Variants in CFAP20DC observed in about 807,000 individuals in gnomAD.
The protein encoded by CFAP20DC is CFAP20 domain containing.
A neutral mutation model predicts 101.7 loss-of-function variants in CFAP20DC; 84 were observed. The observed-to-expected ratio is 0.83, with a 90% CI of 0.69 to 0.99. The LOEUF (loss-of-function observed/expected upper bound fraction) is 0.99, where lower values mean the gene tolerates loss of function less well. CFAP20DC is among the 50% of genes least tolerant of loss of function. The probability of loss-of-function intolerance (pLI) is 0.00; values close to 1 mark genes in which losing one functional copy is unlikely to be tolerated. For synonymous variants in CFAP20DC, 359 were observed against 351.2 expected (o/e 1.02, Z -0.25); for missense variants, 1,007 against 970.3 (o/e 1.04, Z -0.50).
Position 58,884,838 on chromosome 3 carries a change from C to T in CFAP20DC, c.551-129G>A, listed in dbSNP as rs990849881. The T allele has an allele frequency of 9.5e-6, 7 of 737,494 alleles. No individual in the cohort carries two copies. The African/African-American group carries it at 1.2e-4, about 13-fold the overall frequency. The allele number at this position is 737,494 out of a possible 1,614,324, so 45.7% of individuals were successfully genotyped here. ...ACTTTGTACGAGTTATTCAACCTTT[C>T]AGCCCTGATTTTCTCATCTGTGAAA... On this transcript the variant is annotated intron_variant, in intron 6 of 16. Transcript: ENST00000482387.
intron 3 of CFAP20DC, among the ~76,000 whole-genome samples, chr3:59,045,141 C>G (rs1258924698): frequency 2.6e-5 from 4 of 151,810 alleles, no homozygotes; most frequent in African/African-American, 9.7e-5. Flanking sequence ...CACTGGCAAA[C>G]CACTTTAAAA....
intron 4 of CFAP20DC, among the ~76,000 whole-genome samples, chr3:58,959,188 C>T (rs533350411): frequency 1.4e-3 from 206 of 152,260 alleles, no homozygotes; most frequent in Non-Finnish European, 2.4e-3. Context: ...TCCGCCTCCC[C>T]AGTTTAAGCA....
chr3:58,978,927 C>G (rs2092400814), intron 4 of CFAP20DC, among the ~76,000 whole-genome samples: 1 of 152,138 alleles, frequency 6.6e-6, no homozygotes, highest in Non-Finnish European at 1.5e-5. Context: ...AATATCCACT[C>G]TAATCCCAGG....
intron 3 of CFAP20DC, among the ~76,000 whole-genome samples, chr3:59,043,039 A>C (rs1227209146): frequency 6.6e-6 from 1 of 152,182 alleles, no homozygotes; most frequent in Non-Finnish European, 1.5e-5. Flanking sequence ...CTTTGGACAT[A>C]TTGTATTTCA....
At chr3:58,931,565 C>T (rs2086693362) in intron 5 of CFAP20DC, among the ~76,000 whole-genome samples, 1 of 152,308 alleles carries the variant, frequency 6.6e-6, no homozygotes, top group African/African-American at 2.4e-5. Context: ...GGGTACTCCT[C>T]TGAGACAAAA....
chr3:58,723,811 A>G (rs753526893), intron 3 of CFAP20DC, among the ~76,000 whole-genome samples: 1 of 152,234 alleles, frequency 6.6e-6, no homozygotes, highest in African/African-American at 2.4e-5. Flanking sequence ...TGGCATATTC[A>G]ATGACCACTG....
intron 16 of CFAP20DC, among the ~76,000 whole-genome samples, chr3:58,745,945 A>G (rs1262347868): frequency 6.6e-6 from 1 of 152,152 alleles, no homozygotes; most frequent in African/African-American, 2.4e-5. Flanking sequence ...GGACTAAATA[A>G]CACTCAGCAC....
At chr3:58,742,708 A>G in intron 16 of CFAP20DC, 136 bp from the exon 17 acceptor site, 1 of 491,798 alleles carries the variant, frequency 2.0e-6, no homozygotes, top group Non-Finnish European at 3.5e-6. Flanking sequence ...GCCTGAAGGA[A>G]GAGCACTGTG....
chr3:58,932,869 T>C (rs929421438), intron 5 of CFAP20DC, among the ~76,000 whole-genome samples: 2 of 152,152 alleles, frequency 1.3e-5, no homozygotes, highest in Admixed American at 6.5e-5. Flanking sequence ...CATCAACTAA[T>C]GAGCAAAATA....
At chr3:58,791,295 CA>C (rs2107635052) in intron 15 of CFAP20DC, among the ~76,000 whole-genome samples, 1 of 152,218 alleles carries the variant, frequency 6.6e-6, no homozygotes, top group East Asian at 1.9e-4. Flanking sequence ...AGGCCCTATG[CA>C]AAACATGTTA....
At chr3:58,817,137 T>A (rs1040293925) in intron 14 of CFAP20DC, among the ~76,000 whole-genome samples, 10 of 151,870 alleles carry the variant, frequency 6.6e-5, no homozygotes, top group African/African-American at 2.4e-4. Context: ...AAAACCCATC[T>A]GTACATCACC....
Position 58,914,511 on chromosome 3 carries a change from A to AG in CFAP20DC, c.394-648_394-647insC, listed in dbSNP as rs1367717810. On this transcript the variant is annotated intron_variant, in intron 5 of 16. Coordinates refer to ENST00000482387, the MANE Select transcript of CFAP20DC (RefSeq NM_001394063.1). This position sits in a 1 kb window ranked among gnomAD's most constrained non-coding sequence, Gnocchi z 4.9. ...GAATGGTTAAAGAAAATGAAAAAAAATCATTTGGCAAGAAACAAAGACATA... is the reference window on the plus strand; with the variant it reads ...GAATGGTTAAAGAAAATGAAAAAAAAGTCATTTGGCAAGAAACAAAGACATA... 1.3e-5 allele frequency among the ~76,000 whole-genome samples: 2 copies of AG among 152,220 alleles called. No homozygotes were observed. Among genetic ancestry groups the AG allele is most frequent in the East Asian group, 3.9e-4 (2 of 5,180 alleles).
intron 4 of CFAP20DC, among the ~76,000 whole-genome samples, chr3:58,985,261 C>G (rs927584865): frequency 6.6e-6 from 1 of 152,082 alleles, no homozygotes; most frequent in African/African-American, 2.4e-5. Context: ...TCTTCCTATT[C>G]TCTTTTTATA....
chr3:58,749,794 A>G (rs1269778112), intron 16 of CFAP20DC, among the ~76,000 whole-genome samples: 1 of 152,242 alleles, frequency 6.6e-6, no homozygotes, highest in East Asian at 1.9e-4. Context: ...ACAAATTGAC[A>G]ACTATTCTTT....
At chr3:58,870,151 G>A (rs1407791274) in intron 8 of CFAP20DC, 22 bp downstream of exon 8, 5 of 1,420,296 alleles carry the variant, frequency 3.5e-6, no homozygotes, top group Non-Finnish European at 2.8e-6. Flanking sequence ...GCTTAGATAA[G>A]CTCTCCAAAC....
chr3:58,898,309 G>A (rs755238863), intron 6 of CFAP20DC, among the ~76,000 whole-genome samples: 4 of 151,990 alleles, frequency 2.6e-5, no homozygotes, highest in South Asian at 2.1e-4. Flanking sequence ...CAAGTAACTG[G>A]AACTACGTAA....
chr3:58,842,199 T>A (rs2077175241), intron 13 of CFAP20DC, among the ~76,000 whole-genome samples: 1 of 152,086 alleles, frequency 6.6e-6, no homozygotes, highest in Non-Finnish European at 1.5e-5. Flanking sequence ...GGTCTACAGC[T>A]CCCAGCGTGA....
chr3:58,835,144 G>T (rs1294738184), intron 13 of CFAP20DC, among the ~76,000 whole-genome samples: 1 of 152,108 alleles, frequency 6.6e-6, no homozygotes, highest in African/African-American at 2.4e-5. Flanking sequence ...GGAACTGGGA[G>T]CACAAAGAAA....
At chr3:58,856,305 CACACACACAT>C (rs1234960130) in intron 12 of CFAP20DC, among the ~76,000 whole-genome samples, 91 of 133,806 alleles carry the variant, frequency 6.8e-4, no homozygotes, top group African/African-American at 2.2e-3. Flanking sequence ...CACACACACA[CACACACACAT>C]AACTGATGGA....
Sources: allele counts gnomAD v4.1 joint callset (sites outside exome capture counted in the v4.1 genomes callset), GRCh38; gene constraint gnomAD v4.1.1; non-coding constraint Gnocchi (gnomAD v3.1); transcripts MANE v1.5; gene names NCBI Gene and HGNC (gene_info 2026-07-23, HGNC 2026-07-21).